CBFA2T2: variants seen among roughly 807,000 people sequenced by gnomAD.
The protein encoded by CBFA2T2 is protein CBFA2T2.
CBFA2T2 carries 11 observed loss-of-function variants against 62.2 expected under a neutral mutation model. That is an observed-to-expected ratio of 0.18 (90% CI 0.11 to 0.29). The LOEUF (loss-of-function observed/expected upper bound fraction) is 0.29. CBFA2T2 is among the 10% of genes least tolerant of loss of function. The pLI is 1.00. For missense variants in CBFA2T2, 592 were observed against 774.1 expected (o/e 0.76, Z 2.79); for synonymous variants, 295 against 287.5 (o/e 1.03, Z -0.27).
intron 1 of CBFA2T2, among the ~76,000 whole-genome samples, chr20:33,542,090 T>G (rs1373087499): frequency 6.6e-6 from 1 of 152,184 alleles, no homozygotes; most frequent in African/African-American, 2.4e-5. Flanking sequence ...AAGAACTTAT[T>G]AAAGTTTGGA....
At chr20:33,525,943 T>C (rs970719648) in intron 1 of CBFA2T2, among the ~76,000 whole-genome samples, 32 of 151,974 alleles carry the variant, frequency 2.1e-4, no homozygotes, top group African/African-American at 7.5e-4. Flanking sequence ...TGTGAGCCAC[T>C]GCACCTGGCC....
chr20:33,525,914 A>G (rs1167260734), intron 1 of CBFA2T2, among the ~76,000 whole-genome samples: 1 of 152,094 alleles, frequency 6.6e-6, no homozygotes, highest in African/African-American at 2.4e-5. Flanking sequence ...TTGGCCTCCC[A>G]AAGTGTTGGA....
Position 33,641,213 on chromosome 20 carries a change from T to C in CBFA2T2, c.1488+682T>C, listed in dbSNP as rs551283914. Among the ~76,000 whole-genome samples the C allele has an allele frequency of 1.4e-4, 22 of 152,192 alleles. No individual in the cohort carries two copies. The South Asian group carries it at 4.6e-3, about 32-fold the overall frequency. On this transcript the variant is annotated intron_variant, in intron 10 of 10. Transcript: ENST00000342704. ...ACACCCGGCTAATTTTTTGTATTTT[T>C]AGTAGAGACGGGGTTTCACCGTGTT... is the stretch of plus-strand genomic sequence containing the variant.
intron 1 of CBFA2T2, among the ~76,000 whole-genome samples, chr20:33,592,703 C>A (rs1303388343): frequency 6.6e-6 from 1 of 151,638 alleles, no homozygotes; most frequent in Non-Finnish European, 1.5e-5. Context: ...AAAAAAAATA[C>A]AAAATTCATG....
intron 1 of CBFA2T2, among the ~76,000 whole-genome samples, chr20:33,500,076 G>A (rs1336820953): frequency 6.6e-6 from 1 of 152,020 alleles, no homozygotes; most frequent in East Asian, 1.9e-4. Context: ...CTGTGCCTCA[G>A]CCTCCTGAGC....
intron 1 of CBFA2T2, among the ~76,000 whole-genome samples, chr20:33,556,994 G>T (rs1363254476): frequency 7.4e-6 from 1 of 134,394 alleles, no homozygotes; most frequent in Non-Finnish European, 1.6e-5. Flanking sequence ...CCAAGGTGTT[G>T]CATGCTTATC....
intron 1 of CBFA2T2, among the ~76,000 whole-genome samples, chr20:33,491,658 A>G (rs566593152): frequency 6.6e-6 from 1 of 152,028 alleles, no homozygotes; most frequent in African/African-American, 2.4e-5. Flanking sequence ...GCGGATAGTG[A>G]TTACTCTTTT....
intron 1 of CBFA2T2, among the ~76,000 whole-genome samples, chr20:33,508,335 T>C (rs1398989810): frequency 3.3e-5 from 5 of 152,146 alleles, no homozygotes; most frequent in Non-Finnish European, 5.9e-5. Flanking sequence ...GCTCAAGTGA[T>C]CTGCCTACCC....
At chr20:33,609,373 G>A (rs751464378) in intron 2 of CBFA2T2, among the ~76,000 whole-genome samples, 10 of 151,962 alleles carry the variant, frequency 6.6e-5, no homozygotes, top group Non-Finnish European at 1.2e-4. Flanking sequence ...GTGGTGGTGC[G>A]TGCCTGTAAT....
intron 4 of CBFA2T2, 38 bp downstream of exon 4, chr20:33,619,644 A>G: frequency 1.4e-6 from 2 of 1,381,064 alleles, no homozygotes; most frequent in Non-Finnish European, 2.0e-6. Context: ...TATCTTGAAT[A>G]TTTCCTCAAA....
At chr20:33,535,647 ATTTATTTATTTTATTTTAT>A (rs1307377439) in intron 1 of CBFA2T2, among the ~76,000 whole-genome samples, 1 of 143,436 alleles carries the variant, frequency 7.0e-6, no homozygotes, top group Non-Finnish European at 1.5e-5. Context: ...CCTTTTAAAT[ATTTATTTATTTTATTTTAT>A]TTTATTTATT....
intron 1 of CBFA2T2, among the ~76,000 whole-genome samples, chr20:33,572,623 A>T (rs2013618396): frequency 6.6e-6 from 1 of 152,230 alleles, no homozygotes; most frequent in Admixed American, 6.5e-5. Flanking sequence ...GCAAAGGCTC[A>T]ATGATGGGAA....
intron 1 of CBFA2T2, among the ~76,000 whole-genome samples, chr20:33,602,716 C>G (rs2015185155): frequency 6.6e-6 from 1 of 152,168 alleles, no homozygotes; most frequent in South Asian, 2.1e-4. Context: ...TTCCTTCTTA[C>G]AGTAGATGTC....
intron 1 of CBFA2T2, among the ~76,000 whole-genome samples, chr20:33,554,665 G>A (rs2012843862): frequency 2.5e-5 from 3 of 121,532 alleles, no homozygotes. Context: ...GGAGTGCAGT[G>A]GAGTGATCTC....
intron 1 of CBFA2T2, among the ~76,000 whole-genome samples, chr20:33,523,864 A>G (rs758987174): frequency 3.3e-5 from 5 of 151,964 alleles, no homozygotes; most frequent in Non-Finnish European, 7.4e-5. Context: ...TTGTATTTTT[A>G]GCAGAGACGG....
chr20:33,581,741 AT>A (rs1190853802), intron 1 of CBFA2T2, among the ~76,000 whole-genome samples: 4 of 152,220 alleles, frequency 2.6e-5, no homozygotes, highest in African/African-American at 9.7e-5. Context: ...TGTGTAGGCC[AT>A]CTGTTCCCTA....
rs535289131 is a variant in CBFA2T2, at chr20:33,623,085, A to G, written c.511-30A>G. 6 of 1,613,182 alleles carry G rather than the reference A, an allele frequency of 3.7e-6. No homozygotes were observed. In the African/African-American group the frequency reaches 8.0e-5, roughly 21 times the overall value. ...GCTGAGCCTTCTTGTGTAGGGCCTAACACTGGAAAAACTGCCTCTTCCTTT... is the reference window on the plus strand; with the variant it reads ...GCTGAGCCTTCTTGTGTAGGGCCTAGCACTGGAAAAACTGCCTCTTCCTTT... On this transcript the variant is annotated intron_variant, in intron 4 of 10. Coordinates refer to ENST00000342704, the MANE Select transcript of CBFA2T2 (RefSeq NM_001032999.3).
Position 33,526,856 on chromosome 20 carries a change from TCTC to T in CBFA2T2, c.34+36558_34+36560del, listed in dbSNP as rs544760994. 4.6e-3 allele frequency among the ~76,000 whole-genome samples: 696 copies of T among 152,320 alleles called. 2 individuals carry two copies. The highest frequency in any genetic ancestry group is 0.017 in the Middle Eastern group (5 of 294). Reference sequence around the variant, plus strand: ...TGTGTGGTTGGAAGCCTCAGAAAGTTCTCCTACTTCTATCTCTTACTCACCTGG... The same window carrying T: ...TGTGTGGTTGGAAGCCTCAGAAAGTTCTACTTCTATCTCTTACTCACCTGG... On this transcript the variant is annotated intron_variant, in intron 1 of 10. Transcript: ENST00000342704.
rs201762306 is a variant in CBFA2T2, at chr20:33,642,112, T to G, written c.1488+1581T>G. 3.8e-3 allele frequency among the ~76,000 whole-genome samples: 287 copies of G among 74,612 alleles called. 1 individual carries two copies. The highest frequency in any genetic ancestry group is 0.019 in the African/African-American group (195 of 10,034). 48.9% of individuals were successfully genotyped at this position (74,612 alleles called of 152,430 possible). On this transcript the variant is annotated intron_variant, in intron 10 of 10. Transcript: ENST00000342704. ...TCTCTCCTCCTCCTTTGTCTTTTTT[T>G]TTTTTGTGTGTGTGTGTGTGTGTGT...
Sources: gnomAD v4.1 joint callset for allele counts (sites outside exome capture counted in the v4.1 genomes callset) on GRCh38, gnomAD v4.1.1 for gene constraint, MANE v1.5 for transcripts, NCBI Gene and HGNC (gene_info 2026-07-23, HGNC 2026-07-21) for gene names.